The following SLC16A7 variants were observed in gnomAD, a reference collection of about 807,000 sequenced individuals.
SLC16A7 encodes monocarboxylate transporter 2.
Under a neutral mutation model 34.9 loss-of-function variants are expected in SLC16A7, and 33 were observed. The ratio of observed to expected loss-of-function variants is 0.94; its 90% confidence interval spans 0.72 to 1.26. SLC16A7 has a LOEUF of 1.26. Ranked by LOEUF, SLC16A7 falls within the 50% of genes most tolerant of loss-of-function variation. The probability of loss-of-function intolerance (pLI) is 0.00; values close to 1 mark genes in which losing one functional copy is unlikely to be tolerated. For missense variants in SLC16A7, 573 were observed against 578.1 expected, an observed-to-expected ratio of 0.99 and a Z score of 0.09; for synonymous variants, 201 against 206.6, an observed-to-expected ratio of 0.97 and a Z score of 0.23.
intron 2 of SLC16A7, among the ~76,000 whole-genome samples, chr12:59,704,219 GAAAAAGA>G (rs1565659935): frequency 7.0e-5 from 8 of 114,476 alleles, no homozygotes; most frequent in Admixed American, 1.8e-4. Context: ...AAAAAAAAAA[GAAAAAGA>G]AAAAAAAAAG....
At chr12:59,710,831 T>C (rs1874142502) in intron 3 of SLC16A7, among the ~76,000 whole-genome samples, 1 of 152,150 alleles carries the variant, frequency 6.6e-6, no homozygotes, top group African/African-American at 2.4e-5. Flanking sequence ...AAGAGAAATG[T>C]TCATGTATAC....
chr12:59,664,635 T>G (rs774707758), intron 2 of SLC16A7: 1 of 152,306 alleles, frequency 6.6e-6, no homozygotes, highest in East Asian at 1.9e-4. Flanking sequence ...ACACAACACA[T>G]GAGAAGGTTA....
chr12:59,633,242 C>G (rs1880264660), intron 1 of SLC16A7, among the ~76,000 whole-genome samples: 1 of 151,958 alleles, frequency 6.6e-6, no homozygotes, highest in Non-Finnish European at 1.5e-5. Flanking sequence ...CAACCCTACT[C>G]TATTCTATTT....
chr12:59,774,598 C>T, intron 4 of SLC16A7, 59 bp from the exon 5 acceptor site: 2 of 1,076,532 alleles, frequency 1.9e-6, no homozygotes, highest in Non-Finnish European at 2.7e-6. Flanking sequence ...GGAGTAATTT[C>T]TTTTGTGAGT....
At position 59,683,973 on chromosome 12, in the gene SLC16A7, G is replaced by A. The variant is rs1870947565; in HGVS notation, c.-30-20799G>A. 2.6e-5 allele frequency among the ~76,000 whole-genome samples: 4 copies of A among 152,304 alleles called. 1 individual carries two copies. The highest frequency in any genetic ancestry group is 6.8e-3 in the Middle Eastern group (2 of 294). ...GTTCAGTGGCTTTGGAGATTAGAAAGCTATAGCTCATCTTTAGGAAAGAAT... is the reference window on the plus strand; with the variant it reads ...GTTCAGTGGCTTTGGAGATTAGAAAACTATAGCTCATCTTTAGGAAAGAAT... On this transcript the variant is annotated intron_variant, in intron 2 of 5. Coordinates refer to ENST00000547379, the MANE Select transcript of SLC16A7 (RefSeq NM_001270623.2).
At position 59,653,133 on chromosome 12, in the gene SLC16A7, T is replaced by C. The variant is rs953422555; in HGVS notation, c.-129-2019T>C. 1.1e-4 allele frequency among the ~76,000 whole-genome samples: 16 copies of C among 151,938 alleles called. No individual in the cohort carries two copies. In the South Asian group the frequency reaches 1.2e-3, roughly 12 times the overall value. The stretch of plus-strand genomic sequence containing the variant: ...TCACTCTTTAAGACAAATGAAACTT[T>C]TACTGCACTATTTTTGCAGAACAAA... On this transcript the variant is annotated intron_variant, in intron 1 of 5. Transcript: ENST00000547379.
intron 2 of SLC16A7, among the ~76,000 whole-genome samples, chr12:59,674,095 A>AT (rs1335661306): frequency 3.9e-5 from 6 of 152,322 alleles, no homozygotes; most frequent in African/African-American, 1.4e-4. Flanking sequence ...TGATTTATCC[A>AT]TTTTATGTTG....
At chr12:59,763,632 T>C (rs1263003165) in intron 3 of SLC16A7, among the ~76,000 whole-genome samples, 1 of 152,158 alleles carries the variant, frequency 6.6e-6, no homozygotes, top group Admixed American at 6.6e-5. Context: ...CTTCTACTTA[T>C]TGCATTTCAC....
intron 2 of SLC16A7, among the ~76,000 whole-genome samples, chr12:59,671,595 G>A (rs1377463766): frequency 1.3e-5 from 2 of 151,332 alleles, no homozygotes; most frequent in Non-Finnish European, 2.9e-5. Context: ...TTAAGCCCAT[G>A]GAGTAGCTTC....
At chr12:59,640,066 C>T (rs577435416) in intron 1 of SLC16A7, among the ~76,000 whole-genome samples, 1 of 152,206 alleles carries the variant, frequency 6.6e-6, no homozygotes, top group Admixed American at 6.5e-5. Flanking sequence ...CAGAAATAGT[C>T]ACACGGAATT....
intron 1 of SLC16A7, among the ~76,000 whole-genome samples, chr12:59,606,570 A>G (rs1302868923): frequency 6.6e-6 from 1 of 152,126 alleles, no homozygotes; most frequent in African/African-American, 2.4e-5. Flanking sequence ...ACAGATAGGG[A>G]GAATAGGGAC....
chr12:59,730,948 T>TG (rs1208230972), intron 3 of SLC16A7, among the ~76,000 whole-genome samples: 1 of 152,010 alleles, frequency 6.6e-6, no homozygotes, highest in African/African-American at 2.4e-5. Flanking sequence ...GGAAACAAAA[T>TG]GGGGGAGGTT....
At chr12:59,712,876 C>T (rs1289039790) in intron 3 of SLC16A7, among the ~76,000 whole-genome samples, 1 of 152,068 alleles carries the variant, frequency 6.6e-6, no homozygotes, top group Non-Finnish European at 1.5e-5. Flanking sequence ...ATGCCTTCTT[C>T]TTTAACTAGG....
At chr12:59,662,649 C>T (rs780130866) in intron 2 of SLC16A7, among the ~76,000 whole-genome samples, 15 of 152,054 alleles carry the variant, frequency 9.9e-5, no homozygotes, top group Non-Finnish European at 2.2e-4. Flanking sequence ...TCACATCTCA[C>T]AGAACTTAGT....
intron 2 of SLC16A7, among the ~76,000 whole-genome samples, chr12:59,660,285 G>A (rs1205914448): frequency 6.6e-6 from 1 of 151,916 alleles, no homozygotes; most frequent in Non-Finnish European, 1.5e-5. Flanking sequence ...AGAGGTCCAC[G>A]TCTTCCATCT....
chr12:59,758,901 C>T (rs1289968574), intron 3 of SLC16A7, among the ~76,000 whole-genome samples: 1 of 151,958 alleles, frequency 6.6e-6, no homozygotes, highest in African/African-American at 2.4e-5. Context: ...TGTATTGTTT[C>T]ATCTCCAAGT....
In SLC16A7 at chr12:59,733,277, A is replaced by T. The variant is rs532352621; in HGVS notation, c.217+28259A>T. Among the ~76,000 whole-genome samples the T allele has an allele frequency of 1.4e-3, 210 of 152,252 alleles. 1 individual carries two copies. Among genetic ancestry groups the T allele is most frequent in the Middle Eastern group, 6.8e-3 (2 of 292 alleles). On this transcript the variant is annotated intron_variant, in intron 3 of 5. Transcript: ENST00000547379. ...CTTGTGGGATCTGCCCAGATCCCAT[A>T]CCTGCCAAGGGTGAGCAAGGTGCAA...
At chr12:59,767,689 G>T (rs1256468752) in intron 3 of SLC16A7, among the ~76,000 whole-genome samples, 2 of 152,056 alleles carry the variant, frequency 1.3e-5, no homozygotes, top group African/African-American at 4.8e-5. Context: ...AAATATTACT[G>T]CTTATTGACA....
At chr12:59,624,248 A>G (rs144522973) in intron 1 of SLC16A7, among the ~76,000 whole-genome samples, 13 of 151,784 alleles carry the variant, frequency 8.6e-5, no homozygotes, top group African/African-American at 2.9e-4. Flanking sequence ...TGAGATAATC[A>G]CCATTGTTAA....
Sources: gnomAD v4.1 joint callset for allele counts (sites outside exome capture counted in the v4.1 genomes callset) on GRCh38, gnomAD v4.1.1 for gene constraint, MANE v1.5 for transcripts, NCBI Gene and HGNC (gene_info 2026-07-23, HGNC 2026-07-21) for gene names.